REV3L: variants seen among roughly 807,000 people sequenced by gnomAD.
REV3L encodes the protein DNA polymerase zeta catalytic subunit.
REV3L carries 69 observed loss-of-function variants against 299.4 expected under a neutral mutation model. That is an observed-to-expected ratio of 0.23 (90% CI 0.19 to 0.28). The LOEUF is 0.28. REV3L is among the 10% of genes least tolerant of loss of function. REV3L has a pLI of 1.00. For missense variants in REV3L, 3,128 were observed against 3,693.8 expected, an observed-to-expected ratio of 0.85 and a Z score of 3.97; for synonymous variants, 1,238 against 1,271.4, an observed-to-expected ratio of 0.97 and a Z score of 0.56.
At position 111,431,795 on chromosome 6, in the gene REV3L, A is replaced by G. The variant is rs1786958632; in HGVS notation, c.140-15323T>C. 7.1e-6 allele frequency: 5 copies of G among 704,616 alleles called. No individual in the cohort carries two copies. The East Asian group carries it at 1.3e-4, about 18-fold the overall frequency. The allele number at this position is 704,616 out of a possible 1,614,324, so 43.6% of individuals were successfully genotyped here. A position where few individuals can be genotyped will look rare whatever the true frequency, so the allele number is the denominator to read the frequency against. Reference sequence around the variant, plus strand: ...CCTGGTGGAAGTTGAGGCCACCTGTATTTGATTATATATTATGTACATACT... The same window carrying G: ...CCTGGTGGAAGTTGAGGCCACCTGTGTTTGATTATATATTATGTACATACT... On this transcript the variant is annotated intron_variant, in intron 1 of 31. Transcript: ENST00000368802.
intron 1 of REV3L, among the ~76,000 whole-genome samples, chr6:111,463,978 A>C (rs1045874190): frequency 2.0e-5 from 3 of 152,204 alleles, no homozygotes; most frequent in African/African-American, 7.2e-5. Flanking sequence ...TCATCCTGGC[A>C]TGTTAAAAAG....
chr6:111,411,874 A>C, intron 2 of REV3L: 1 of 552,100 alleles, frequency 1.8e-6, no homozygotes, highest in Non-Finnish European at 2.3e-6. Flanking sequence ...TCAAACATCA[A>C]GACTCTTTAA....
chr6:111,300,158 T>G lies in REV3L; in HGVS notation c.9253-2A>C. 6.4e-7 allele frequency: 1 copy of G among 1,569,574 alleles called. No individual in the cohort carries two copies. Among genetic ancestry groups the G allele is most frequent in the Non-Finnish European group, 8.6e-7 (1 of 1,162,942 alleles). On this transcript the variant is annotated splice_acceptor_variant, in intron 31 of 31. Coordinates refer to ENST00000368802, the MANE Select transcript of REV3L (RefSeq NM_001372078.1). LOFTEE classifies it high-confidence loss of function. ...GCAACCTGTACAGTTCTTGCATATC[T>G]GAAAGCATAAGAGAAATACAAAAAA...
At chr6:111,463,260 G>C (rs901160696) in intron 1 of REV3L, among the ~76,000 whole-genome samples, 1 of 152,250 alleles carries the variant, frequency 6.6e-6, no homozygotes, top group East Asian at 1.9e-4. Flanking sequence ...AATGGTGCTC[G>C]GTTATACAAC....
intron 1 of REV3L, among the ~76,000 whole-genome samples, chr6:111,451,844 A>AG (rs1295846811): frequency 1.6e-5 from 2 of 123,984 alleles, no homozygotes; most frequent in Non-Finnish European, 4.0e-5. Context: ...GAATCACGAA[A>AG]GGAAAAAAAA....
At chr6:111,396,023 C>A (rs1259462561) in intron 4 of REV3L, among the ~76,000 whole-genome samples, 1 of 151,640 alleles carries the variant, frequency 6.6e-6, no homozygotes. Flanking sequence ...AATCCTTGCA[C>A]CCCTGAAATA....
At position 111,482,902 on chromosome 6, in the gene REV3L, G is replaced by A; in HGVS notation, c.-14C>T. Reference sequence around the variant, plus strand: ...TACTGAAAACATGTTCGCCGCCGCCGCCACTGCCTCCCTTCACTGGCGACC... The same window carrying A: ...TACTGAAAACATGTTCGCCGCCGCCACCACTGCCTCCCTTCACTGGCGACC... On this transcript the variant is annotated 5_prime_UTR_variant, in exon 1 of 32. Transcript: ENST00000368802. 2 of 1,510,986 alleles carry A rather than the reference G, an allele frequency of 1.3e-6. No homozygotes were observed. The highest frequency in any genetic ancestry group is 1.3e-5 in the South Asian group (1 of 75,878). 93.6% of individuals were successfully genotyped at this position (1,510,986 alleles called of 1,614,324 possible). A position where few individuals can be genotyped will look rare whatever the true frequency, so the allele number is the denominator to read the frequency against.
At chr6:111,325,603 A>G (rs1342301767) in intron 25 of REV3L, among the ~76,000 whole-genome samples, 1 of 152,246 alleles carries the variant, frequency 6.6e-6, no homozygotes, top group Non-Finnish European at 1.5e-5. Flanking sequence ...AGGAGACCAC[A>G]GTCAGTAATC....
In REV3L at chr6:111,482,926, C is replaced by G; in HGVS notation, c.-38G>C. 1.3e-6 allele frequency: 2 copies of G among 1,490,764 alleles called. No individual in the cohort carries two copies. Among genetic ancestry groups the G allele is most frequent in the Middle Eastern group, 1.8e-4 (1 of 5,658 alleles). The allele number at this position is 1,490,764 out of a possible 1,614,324, so 92.3% of individuals were successfully genotyped here. On this transcript the variant is annotated 5_prime_UTR_variant, in exon 1 of 32. Transcript: ENST00000368802. ...CGCCACTGCCTCCCTTCACTGGCGA[C>G]CCGGCAGCGGCAGCAGCAGCGGCGG... is the stretch of plus-strand genomic sequence containing the variant.
chr6:111,338,254 G>A (rs913039621), intron 21 of REV3L, among the ~76,000 whole-genome samples: 11 of 144,760 alleles, frequency 7.6e-5, no homozygotes, highest in Admixed American at 2.8e-4. Context: ...AATTTGTTTC[G>A]GAAAATGTGT....
Position 111,310,099 on chromosome 6 carries a change from C to G in REV3L, c.8796G>C (p.Arg2932Ser). 1.3e-6 allele frequency: 2 copies of G among 1,503,134 alleles called. No individual in the cohort carries two copies. The highest frequency in any genetic ancestry group is 8.9e-7 in the Non-Finnish European group (1 of 1,124,188). The allele number at this position is 1,503,134 out of a possible 1,614,324, so 93.1% of individuals were successfully genotyped here. ...GACVPALELT[R>S]KMLTYDRRSE... is the part of the protein sequence containing the mutation. ...AGCGCCGGTCATAAGTCAGCATTTT[C>G]CTATTCGAATTCAAAGAAAAAAACC... Residue 2932 changes from arginine to serine, a missense_variant and splice_region_variant, in exon 30 of 32, where the codon AGG (arginine) becomes AGC (serine). By Grantham distance (110) the Arg-to-Ser change is moderately radical. Transcript: ENST00000368802.
At chr6:111,431,364 C>T in intron 1 of REV3L, 1 of 988,210 alleles carries the variant, frequency 1.0e-6, no homozygotes, top group South Asian at 1.3e-5. Context: ...GACTCCAATA[C>T]TTCAAGACAG....
intron 1 of REV3L, among the ~76,000 whole-genome samples, chr6:111,452,768 G>C (rs1196442624): frequency 6.6e-6 from 1 of 152,076 alleles, no homozygotes; most frequent in Non-Finnish European, 1.5e-5. Flanking sequence ...CGTCTAATTG[G>C]TCCATTTTAT....
chr6:111,453,000 A>G (rs1320012255), intron 1 of REV3L, among the ~76,000 whole-genome samples: 1 of 152,030 alleles, frequency 6.6e-6, no homozygotes, highest in Non-Finnish European at 1.5e-5. Flanking sequence ...ACATATTTTA[A>G]TATATAATAA....
intron 21 of REV3L, among the ~76,000 whole-genome samples, chr6:111,339,732 T>C (rs563947222): frequency 5.1e-4 from 78 of 152,294 alleles, no homozygotes; most frequent in African/African-American, 1.8e-3. Context: ...AAAAAATGTA[T>C]TTTAGACTTT....
chr6:111,433,953 C>G (rs146250884), intron 1 of REV3L, among the ~76,000 whole-genome samples: 50 of 152,236 alleles, frequency 3.3e-4, no homozygotes, highest in Non-Finnish European at 6.2e-4. Flanking sequence ...ACAAAAAAGC[C>G]TATTATTGTT....
chr6:111,431,260 T>C (rs1582967112), intron 1 of REV3L: 13 of 1,490,266 alleles, frequency 8.7e-6, no homozygotes, highest in Non-Finnish European at 1.2e-5. Context: ...ACAAGAGATT[T>C]AGATGTCACT....
chr6:111,396,935 A>T (rs1468383274), intron 4 of REV3L, among the ~76,000 whole-genome samples: 1 of 152,084 alleles, frequency 6.6e-6, no homozygotes, highest in African/African-American at 2.4e-5. Flanking sequence ...GTTGTTCATG[A>T]TAGTCTCTGA....
In REV3L at chr6:111,329,829, T is replaced by C; in HGVS notation, c.8035-91A>G. 3.3e-6 allele frequency: 3 copies of C among 910,564 alleles called. No homozygotes were observed. The South Asian group carries it at 4.4e-5, about 14-fold the overall frequency. 56.4% of individuals were successfully genotyped at this position (910,564 alleles called of 1,614,324 possible). On this transcript the variant is annotated intron_variant, in intron 24 of 31. Coordinates refer to ENST00000368802, the MANE Select transcript of REV3L (RefSeq NM_001372078.1). ...AGCATAAAACATAATAATGGCCAAC[T>C]GTCAGGAATTGAAACATGCTAACAA...
Sources: allele counts gnomAD v4.1 joint callset (sites outside exome capture counted in the v4.1 genomes callset), GRCh38; gene constraint gnomAD v4.1.1; transcripts MANE v1.5; gene names NCBI Gene and HGNC (gene_info 2026-07-23, HGNC 2026-07-21).